CCDC146: variants seen among roughly 807,000 people sequenced by gnomAD.
The protein encoded by CCDC146 is coiled-coil domain containing 146.
A neutral mutation model predicts 119.3 loss-of-function variants in CCDC146; 92 were observed. That is an observed-to-expected ratio of 0.77 (90% CI 0.65 to 0.92). CCDC146 has a LOEUF of 0.92. Among genes scored for constraint, CCDC146 ranks in the 40% least tolerant of loss-of-function variants. The probability of loss-of-function intolerance (pLI) is 0.00; values close to 1 mark genes in which losing one functional copy is unlikely to be tolerated. For missense variants in CCDC146, 1,000 were observed against 1,103.0 expected, an observed-to-expected ratio of 0.91 and a Z score of 1.32; for synonymous variants, 372 against 371.8, an observed-to-expected ratio of 1.00 and a Z score of -0.01.
chr7:77,145,783 C>T (rs570246581), intron 1 of CCDC146, among the ~76,000 whole-genome samples: 15 of 152,128 alleles, frequency 9.9e-5, no homozygotes, highest in African/African-American at 3.6e-4. Context: ...GTCTGAGAGA[C>T]AATTTGTTAT....
At chr7:77,138,895 A>G (rs1224650395) in intron 1 of CCDC146, among the ~76,000 whole-genome samples, 3 of 152,238 alleles carry the variant, frequency 2.0e-5, no homozygotes, top group African/African-American at 7.2e-5. Context: ...GTGCAACAGG[A>G]ACTCTCATGT....
At chr7:77,164,261 A>G (rs1360001751) in intron 1 of CCDC146, among the ~76,000 whole-genome samples, 1 of 152,178 alleles carries the variant, frequency 6.6e-6, no homozygotes, top group African/African-American at 2.4e-5. Flanking sequence ...ATATCCATGA[A>G]AGGATTGAGT....
At chr7:77,207,298 TA>T (rs1407673085) in intron 2 of CCDC146, among the ~76,000 whole-genome samples, 2 of 152,212 alleles carry the variant, frequency 1.3e-5, no homozygotes, top group Admixed American at 1.3e-4. Context: ...CATTTTCTGT[TA>T]TTTGCAGTGA....
In CCDC146 at chr7:77,236,947, T is replaced by G. The variant is rs773122434; in HGVS notation, c.157T>G (p.Leu53Val). 1 of 1,612,392 alleles carries G rather than the reference T, an allele frequency of 6.2e-7. No individual in the cohort carries two copies. The highest frequency in any genetic ancestry group is 1.3e-5 in the African/African-American group (1 of 74,912). Residue 53 changes from leucine (L) to valine (V), a missense_variant and splice_region_variant, in exon 3 of 19, where the codon TTA (leucine) becomes GTA (valine). Physicochemically the swap from Leu to Val is conservative, Grantham distance 32. This residue lies in a region of CCDC146 where 985 missense variants were observed against 1,045.3 expected (regional missense o/e 0.94). Coordinates refer to ENST00000285871, the MANE Select transcript of CCDC146 (RefSeq NM_020879.3). ...ETPAFIFLHE[L>V]HAMGKLPGTR... is the part of the protein sequence containing the mutation. Reference sequence around the variant, plus strand: ...AGTGACCTTATGTTCTCTTTGCTAGTTACATGCTATGGGAAAACTTCCTGG... The same window carrying G: ...AGTGACCTTATGTTCTCTTTGCTAGGTACATGCTATGGGAAAACTTCCTGG...
At chr7:77,213,499 C>T (rs190084589) in intron 2 of CCDC146, among the ~76,000 whole-genome samples, 7 of 152,160 alleles carry the variant, frequency 4.6e-5, no homozygotes, top group Non-Finnish European at 7.4e-5. Flanking sequence ...ATTTTAAATT[C>T]AGAGGTTATA....
At chr7:77,191,046 A>C (rs970381628) in intron 2 of CCDC146, among the ~76,000 whole-genome samples, 1 of 152,106 alleles carries the variant, frequency 6.6e-6, no homozygotes, top group Admixed American at 6.6e-5. Context: ...AAAGTTTGCC[A>C]CTGTTACATT....
In CCDC146 at chr7:77,203,040, C is replaced by A. The variant is rs200990586; in HGVS notation, c.157-33907C>A. Among the ~76,000 whole-genome samples, 322 of 143,464 alleles carry A rather than the reference C, an allele frequency of 2.2e-3. 11 individuals are homozygous for A. The highest frequency in any genetic ancestry group is 3.3e-3 in the Non-Finnish European group (217 of 65,914). The allele number at this position is 143,464 out of a possible 152,430, so 94.1% of individuals were successfully genotyped here. On this transcript the variant is annotated intron_variant, in intron 2 of 18. Coordinates refer to ENST00000285871, the MANE Select transcript of CCDC146 (RefSeq NM_020879.3). ...GGAAAATAAAATACTTGCCCCCCCCCCCCCCAGGACTATTTTAGGAATGAA... is the reference window on the plus strand; with the variant it reads ...GGAAAATAAAATACTTGCCCCCCCCACCCCCAGGACTATTTTAGGAATGAA...
At chr7:77,251,255 C>T (rs1450533272) in intron 4 of CCDC146, among the ~76,000 whole-genome samples, 1 of 152,060 alleles carries the variant, frequency 6.6e-6, no homozygotes, top group Non-Finnish European at 1.5e-5. Context: ...CTCCTGACCT[C>T]AAGTTATCTG....
intron 1 of CCDC146, among the ~76,000 whole-genome samples, chr7:77,153,387 G>A (rs2539172): frequency 2.0e-5 from 3 of 149,872 alleles, no homozygotes; most frequent in Non-Finnish European, 3.0e-5. Context: ...TTTTGGTATC[G>A]CCTTTAAAAA....
chr7:77,240,229 C>A (rs2150487216), intron 3 of CCDC146, among the ~76,000 whole-genome samples: 1 of 152,342 alleles, frequency 6.6e-6, no homozygotes, highest in African/African-American at 2.4e-5. Flanking sequence ...TCAAATGTCA[C>A]ATTCCCATTG....
intron 2 of CCDC146, among the ~76,000 whole-genome samples, chr7:77,229,565 T>C (rs1792579926): frequency 6.6e-6 from 1 of 152,258 alleles, no homozygotes; most frequent in Admixed American, 6.5e-5. Flanking sequence ...CACCATTTAC[T>C]GAATAGGGAG....
intron 17 of CCDC146, among the ~76,000 whole-genome samples, chr7:77,292,570 T>C (rs1267007120): frequency 1.1e-4 from 17 of 149,166 alleles, no homozygotes; most frequent in Admixed American, 1.1e-3. Context: ...TGAGCTGAGA[T>C]TGCGCTACTG....
intron 9 of CCDC146, among the ~76,000 whole-genome samples, chr7:77,267,577 C>A (rs1285165204): frequency 2.0e-5 from 3 of 151,886 alleles, no homozygotes; most frequent in East Asian, 1.9e-4. Context: ...CCTCTTTAGA[C>A]CCCTGTTCAT....
intron 2 of CCDC146, among the ~76,000 whole-genome samples, chr7:77,224,147 AAC>A (rs1271532450): frequency 6.6e-6 from 1 of 152,228 alleles, no homozygotes; most frequent in Non-Finnish European, 1.5e-5. Flanking sequence ...TAGTGGCTTA[AAC>A]ACAAATTTAT....
intron 4 of CCDC146, among the ~76,000 whole-genome samples, chr7:77,254,293 G>T (rs1371062637): frequency 6.6e-6 from 1 of 152,158 alleles, no homozygotes; most frequent in East Asian, 1.9e-4. Flanking sequence ...TCCTCTAAGT[G>T]GGTTGTGTTC....
In CCDC146 at chr7:77,176,442, A is replaced by G. The variant is rs1791501660; in HGVS notation, c.156+8618A>G. On this transcript the variant is annotated intron_variant, in intron 2 of 18. Coordinates refer to ENST00000285871, the MANE Select transcript of CCDC146 (RefSeq NM_020879.3). ...AGTGGATGGAGTGGGTGAGGAAAAGATTCTAAATTGATGCTTGGCATTCTG... is the reference window on the plus strand; with the variant it reads ...AGTGGATGGAGTGGGTGAGGAAAAGGTTCTAAATTGATGCTTGGCATTCTG... Among the ~76,000 whole-genome samples, 2 of 151,028 alleles carry G rather than the reference A, an allele frequency of 1.3e-5. 1 individual carries two copies. The highest frequency in any genetic ancestry group is 1.3e-4 in the Admixed American group (2 of 15,244).
chr7:77,199,370 A>G (rs2150434832), intron 2 of CCDC146: 2 of 1,614,136 alleles, frequency 1.2e-6, no homozygotes, highest in East Asian at 4.5e-5. Flanking sequence ...TTTAGCTCAG[A>G]GGACAGCTTG....
At chr7:77,165,316 C>T (rs2117478807) in intron 1 of CCDC146, among the ~76,000 whole-genome samples, 1 of 152,182 alleles carries the variant, frequency 6.6e-6, no homozygotes, top group East Asian at 1.9e-4. Context: ...GCCCTGCTGT[C>T]ACCATTTTTA....
chr7:77,277,304 T>C (rs1475879708), intron 11 of CCDC146, among the ~76,000 whole-genome samples: 1 of 152,236 alleles, frequency 6.6e-6, no homozygotes, highest in East Asian at 1.9e-4. Context: ...ATCCGTTTTA[T>C]GAATTAGATA....
Sources: gnomAD v4.1 joint callset for allele counts (sites outside exome capture counted in the v4.1 genomes callset) on GRCh38, gnomAD v4.1.1 for gene constraint, gnomAD v4.1.1 regional missense constraint, MANE v1.5 for transcripts, NCBI Gene and HGNC (gene_info 2026-07-23, HGNC 2026-07-21) for gene names.